Variants in BACH1 observed in about 807,000 individuals in gnomAD.
BACH1 encodes the protein BTB domain and CNC homolog 1.
In BACH1, 35 loss-of-function variants were observed where a neutral mutation model predicts 52.9. The observed-to-expected ratio is 0.66, with a 90% CI of 0.51 to 0.88. The LOEUF (loss-of-function observed/expected upper bound fraction) is 0.88, where lower values mean the gene tolerates loss of function less well. BACH1 is among the 40% of genes least tolerant of loss of function. The probability of loss-of-function intolerance (pLI) is 0.00; values close to 1 mark genes in which losing one functional copy is unlikely to be tolerated. For synonymous variants in BACH1, 321 were observed against 319.6 expected (o/e 1.00, Z -0.05); for missense variants, 808 against 872.6 (o/e 0.93, Z 0.93).
Position 29,335,475 on chromosome 21 carries a change from CACTT to C in BACH1, c.1776+5789_1776+5792del, listed in dbSNP as rs566835953. ...TCAGAAATGAGTAAGACAGAATCCTCACTTACTTACAGTCTCATAGGGAGTCAAG... is the reference window on the plus strand; with the variant it reads ...TCAGAAATGAGTAAGACAGAATCCTCACTTACAGTCTCATAGGGAGTCAAG... On this transcript the variant is annotated intron_variant, in intron 4 of 4. Coordinates refer to ENST00000286800, the MANE Select transcript of BACH1 (RefSeq NM_001186.4). Among the ~76,000 whole-genome samples, 222 of 152,312 alleles carry C rather than the reference CACTT, an allele frequency of 1.5e-3. 1 individual carries two copies. Among genetic ancestry groups the C allele is most frequent in the African/African-American group, 3.9e-3 (162 of 41,562 alleles).
chr21:29,329,426 C>G (rs1434740265), intron 3 of BACH1, 61 bp from the exon 4 acceptor site: 19 of 1,329,274 alleles, frequency 1.4e-5, no homozygotes, highest in Non-Finnish European at 1.9e-5. Context: ...CTTCATCTTC[C>G]TAGGTTTGAC....
chr21:29,300,808 A>G (rs1468726985), intron 1 of BACH1: 1 of 152,234 alleles, frequency 6.6e-6, no homozygotes, highest in African/African-American at 2.4e-5. Context: ...ATGCATACAC[A>G]AGAAGTTTCA....
chr21:29,338,770 TCTC>T (rs992743783), intron 4 of BACH1, among the ~76,000 whole-genome samples: 2 of 152,208 alleles, frequency 1.3e-5, no homozygotes, highest in African/African-American at 4.8e-5. Context: ...GATCTCATCT[TCTC>T]CTTATACCCT....
intron 1 of BACH1, among the ~76,000 whole-genome samples, chr21:29,317,556 AG>A (rs2088801855): frequency 1.3e-5 from 2 of 152,142 alleles, no homozygotes; most frequent in Non-Finnish European, 2.9e-5. Context: ...ATAGCAAGAA[AG>A]GGGGGCAATG....
chr21:29,304,682 T>C (rs540646485), intron 1 of BACH1, among the ~76,000 whole-genome samples: 4 of 152,302 alleles, frequency 2.6e-5, no homozygotes, highest in African/African-American at 9.6e-5. Context: ...AGTTATCTCT[T>C]CTTTTTATTG....
chr21:29,305,178 G>GA (rs1555885213), intron 1 of BACH1: 2 of 141,550 alleles, frequency 1.4e-5, no homozygotes, highest in African/African-American at 2.6e-5. Context: ...TTGTAATCTT[G>GA]TTTTTTTTTT....
chr21:29,351,126 T>A (rs561368675), downstream of BACH1, among the ~76,000 whole-genome samples: 134 of 152,356 alleles, frequency 8.8e-4, no homozygotes, highest in African/African-American at 3.2e-3. Flanking sequence ...ATTTTCATTC[T>A]GCACTCTTAG....
intron 2 of BACH1, chr21:29,351,537 A>G: frequency 4.1e-6 from 2 of 486,270 alleles, no homozygotes; most frequent in Non-Finnish European, 8.5e-6. Flanking sequence ...TCGTTTTTTA[A>G]GCACTGTGTT....
chr21:29,324,555 CTTGTGT>C (rs911603533), intron 2 of BACH1, among the ~76,000 whole-genome samples: 4 of 91,056 alleles, frequency 4.4e-5, no homozygotes, highest in Middle Eastern at 0.011. Flanking sequence ...ATGGATGTAC[CTTGTGT>C]GTGTGTGTGT....
At chr21:29,336,358 G>T (rs377712079) in intron 4 of BACH1, among the ~76,000 whole-genome samples, 2 of 152,130 alleles carry the variant, frequency 1.3e-5, no homozygotes, top group African/African-American at 4.8e-5. Flanking sequence ...ATATTGTGTC[G>T]CCTAGGGAGG....
chr21:29,360,664 G>C (rs573584807), intron 2 of BACH1, among the ~76,000 whole-genome samples: 133 of 152,178 alleles, frequency 8.7e-4, no homozygotes, highest in African/African-American at 3.1e-3. Context: ...GGCCAACATG[G>C]CGAAACCCTG....
intron 3 of BACH1, 88 bp downstream of exon 3, chr21:29,327,481 T>C: frequency 6.7e-7 from 1 of 1,491,230 alleles, no homozygotes; most frequent in Middle Eastern, 1.8e-4. Context: ...TCATTAGGGA[T>C]ATAATCAGGT....
At chr21:29,328,604 T>TA (rs2088943516) in intron 3 of BACH1, among the ~76,000 whole-genome samples, 1 of 152,222 alleles carries the variant, frequency 6.6e-6, no homozygotes, top group South Asian at 2.1e-4. Flanking sequence ...AAGTGTACGA[T>TA]ACAGTATTGT....
At chr21:29,323,270 C>T (rs928324767) in intron 2 of BACH1, among the ~76,000 whole-genome samples, 1 of 151,996 alleles carries the variant, frequency 6.6e-6, no homozygotes, top group Admixed American at 6.5e-5. Context: ...AGGTGAAGGC[C>T]CATTATAGGC....
At chr21:29,355,445 C>T (rs2123491927) in intron 2 of BACH1, among the ~76,000 whole-genome samples, 1 of 152,308 alleles carries the variant, frequency 6.6e-6, no homozygotes, top group South Asian at 2.1e-4. Context: ...ACCCAGAAGG[C>T]CAGCTGGCTT....
rs757377063 is a variant in BACH1, at chr21:29,326,631, G to A, written c.807G>A (p.Glu269=). The A allele has an allele frequency of 1.2e-6, 2 of 1,614,210 alleles. No individual in the cohort carries two copies. The highest frequency in any genetic ancestry group is 1.3e-5 in the African/African-American group (1 of 75,042). ...ATGAATGCCTGGGAGGAGTCCCGGAGTGTAGAGATTTGCAGGTGATGTTAA... is the reference window on the plus strand; with the variant it reads ...ATGAATGCCTGGGAGGAGTCCCGGAATGTAGAGATTTGCAGGTGATGTTAA... ...SENECLGGVP[E]CRDLQVMLKC... The change falls in exon 3 of 5, where the codon GAG becomes GAA. Residue 269 remains glutamate (E), a synonymous_variant. Transcript: ENST00000286800.
chr21:29,334,853 T>C (rs2089025930), intron 4 of BACH1, among the ~76,000 whole-genome samples: 1 of 152,248 alleles, frequency 6.6e-6, no homozygotes, highest in South Asian at 2.1e-4. Flanking sequence ...ACCTGTCCTA[T>C]TCACAACTAG....
intron 1 of BACH1, among the ~76,000 whole-genome samples, chr21:29,306,261 T>C (rs931578179): frequency 2.6e-5 from 4 of 151,756 alleles, no homozygotes; most frequent in African/African-American, 9.7e-5. Flanking sequence ...GGCAACGTCC[T>C]TGTTTTGTCC....
At chr21:29,352,088 T>G (rs1795552880) in intron 2 of BACH1, among the ~76,000 whole-genome samples, 1 of 151,454 alleles carries the variant, frequency 6.6e-6, no homozygotes, top group African/African-American at 2.4e-5. Flanking sequence ...GGAGTCTCAC[T>G]TTTTTGCCCA....
Sources: allele counts gnomAD v4.1 joint callset (sites outside exome capture counted in the v4.1 genomes callset), GRCh38; gene constraint gnomAD v4.1.1; transcripts MANE v1.5; gene names NCBI Gene and HGNC (gene_info 2026-07-23, HGNC 2026-07-21).